Variants in MAF observed in about 807,000 individuals in gnomAD.
MAF encodes transcription factor Maf.
In MAF, 10 loss-of-function variants were observed where a neutral mutation model predicts 22.0. The ratio of observed to expected loss-of-function variants is 0.45; its 90% CI spans 0.28 to 0.77. MAF has a LOEUF of 0.77. Ranked by LOEUF, MAF falls within the 30% of genes least tolerant of loss-of-function variation. The pLI is 0.12. For synonymous variants in MAF, 337 were observed against 255.8 expected (o/e 1.32, Z -3.03); for missense variants, 544 against 548.4 (o/e 0.99, Z 0.08).
chr16:79,212,655 T>C, the MAF span: 1 of 148,922 alleles, frequency 6.7e-6, no homozygotes, highest in African/African-American at 2.4e-5. Flanking sequence ...TAAAAGAACA[T>C]GCTTGAATAT....
the MAF span, among the ~76,000 whole-genome samples, chr16:79,305,384 C>T: frequency 2.6e-5 from 4 of 152,196 alleles, no homozygotes; most frequent in Admixed American, 1.3e-4. Flanking sequence ...CTACTTCCAA[C>T]CTCCATCTAC....
chr16:79,433,704 C>T, the MAF span, among the ~76,000 whole-genome samples: 1 of 152,106 alleles, frequency 6.6e-6, no homozygotes, highest in African/African-American at 2.4e-5. Context: ...CATGAGCACA[C>T]CTGGTGCCTT....
At chr16:79,435,234 A>T in the MAF span, among the ~76,000 whole-genome samples, 1 of 149,556 alleles carries the variant, frequency 6.7e-6, no homozygotes, top group Non-Finnish European at 1.5e-5. Flanking sequence ...ATACAAGCAC[A>T]CCTGCGACTG....
chr16:79,472,940 C>A, the MAF span, among the ~76,000 whole-genome samples: 1 of 151,930 alleles, frequency 6.6e-6, no homozygotes, highest in African/African-American at 2.4e-5. Context: ...GGCCCGGTAC[C>A]ATATGGCGCA....
the MAF span, among the ~76,000 whole-genome samples, chr16:79,223,650 A>G: frequency 2.0e-5 from 3 of 152,344 alleles, no homozygotes; most frequent in South Asian, 2.1e-4. Context: ...AGAATTAAAT[A>G]GACTCAATAA....
At chr16:79,335,670 A>C in the MAF span, among the ~76,000 whole-genome samples, 1 of 152,134 alleles carries the variant, frequency 6.6e-6, no homozygotes, top group Admixed American at 6.5e-5. Flanking sequence ...GGGAAGAAGG[A>C]TCATTAATGA....
chr16:79,213,625 G>T, the MAF span, among the ~76,000 whole-genome samples: 1 of 152,158 alleles, frequency 6.6e-6, no homozygotes, highest in Non-Finnish European at 1.5e-5. Context: ...ATAGGGAACG[G>T]CTCCTGGGCT....
At chr16:79,517,540 G>T in the MAF span, among the ~76,000 whole-genome samples, 1 of 149,736 alleles carries the variant, frequency 6.7e-6, no homozygotes, top group Non-Finnish European at 1.5e-5. Flanking sequence ...TCCTTTCCCA[G>T]AGTGAGGTTT....
At chr16:79,338,873 G>C in the MAF span, among the ~76,000 whole-genome samples, 6 of 152,128 alleles carry the variant, frequency 3.9e-5, no homozygotes, top group Admixed American at 3.9e-4. Context: ...CTGTGGCCAA[G>C]ATGGCTAGCT....
the MAF span, among the ~76,000 whole-genome samples, chr16:79,222,467 G>C: frequency 2.0e-5 from 3 of 151,826 alleles, no homozygotes; most frequent in African/African-American, 4.8e-5. Context: ...ATAATGACAG[G>C]ATCAAATTCA....
At chr16:79,361,160 T>G in the MAF span, among the ~76,000 whole-genome samples, 3 of 152,216 alleles carry the variant, frequency 2.0e-5, no homozygotes, top group Non-Finnish European at 4.4e-5. Flanking sequence ...TGCCTTGATA[T>G]GCAGGGAGAA....
chr16:79,449,507 C>T, the MAF span, among the ~76,000 whole-genome samples: 1 of 152,200 alleles, frequency 6.6e-6, no homozygotes, highest in South Asian at 2.1e-4. Context: ...TACTACCTCT[C>T]TTCCTGCTAG....
chr16:79,342,332 C>T, the MAF span, among the ~76,000 whole-genome samples: 2 of 152,334 alleles, frequency 1.3e-5, no homozygotes, highest in East Asian at 3.9e-4. Flanking sequence ...GGTTCACATC[C>T]AGGTGTGTCT....
the MAF span, chr16:79,205,611 T>C: frequency 6.6e-6 from 1 of 152,326 alleles, no homozygotes; most frequent in East Asian, 1.9e-4. Context: ...GGAAATTGAG[T>C]GCATTCCTCT....
At chr16:79,495,624 G>A in the MAF span, among the ~76,000 whole-genome samples, 4 of 152,054 alleles carry the variant, frequency 2.6e-5, no homozygotes, top group African/African-American at 7.2e-5. Flanking sequence ...AGAGATTAGG[G>A]CATGAATATT....
the MAF span, among the ~76,000 whole-genome samples, chr16:79,398,422 G>T: frequency 1.3e-5 from 2 of 152,160 alleles, no homozygotes; most frequent in African/African-American, 4.8e-5. Context: ...ACTCCTCAGG[G>T]ATTAGAGCAC....
the MAF span, among the ~76,000 whole-genome samples, chr16:79,293,325 C>T: frequency 6.6e-6 from 1 of 152,116 alleles, no homozygotes; most frequent in East Asian, 1.9e-4. Flanking sequence ...TAAGGGACCT[C>T]ACTCACATGG....
the MAF span, among the ~76,000 whole-genome samples, chr16:79,268,276 A>G: frequency 1.3e-5 from 2 of 152,096 alleles, no homozygotes; most frequent in Non-Finnish European, 2.9e-5. Flanking sequence ...AGAAAAATGT[A>G]GTCGTCTCAG....
At chr16:79,275,213 G>T in the MAF span, among the ~76,000 whole-genome samples, 2 of 152,094 alleles carry the variant, frequency 1.3e-5, no homozygotes, top group African/African-American at 2.4e-5. Context: ...CAAATTAGCT[G>T]GGTGTGGTGG....
Sources: gnomAD v4.1 joint callset for allele counts (sites outside exome capture counted in the v4.1 genomes callset) on GRCh38, gnomAD v4.1.1 for gene constraint, MANE v1.5 for transcripts, NCBI Gene and HGNC (gene_info 2026-07-23, HGNC 2026-07-21) for gene names.